SORCS2: variants seen among roughly 807,000 people sequenced by gnomAD.
SORCS2 encodes the protein VPS10 domain-containing receptor SorCS2.
Under a neutral mutation model 141.6 loss-of-function variants are expected in SORCS2, and 100 were observed. That is an observed-to-expected ratio of 0.71 (90% CI 0.60 to 0.83). The LOEUF (loss-of-function observed/expected upper bound fraction) is 0.83, where lower values mean the gene tolerates loss of function less well. Ranked by LOEUF, SORCS2 falls within the 40% of genes least tolerant of loss-of-function variation. The pLI is 0.00. For missense variants in SORCS2, 1,646 were observed against 1,560.2 expected (o/e 1.05, Z -0.93); for synonymous variants, 789 against 676.9 (o/e 1.17, Z -2.57).
At chr4:7,396,819 G>A (rs1348010555) in intron 2 of SORCS2, among the ~76,000 whole-genome samples, 1 of 152,188 alleles carries the variant, frequency 6.6e-6, no homozygotes, top group Non-Finnish European at 1.5e-5. Context: ...CACTGGCGAT[G>A]GGGGATATCT....
intron 14 of SORCS2, among the ~76,000 whole-genome samples, chr4:7,709,126 A>T (rs945262059): frequency 1.3e-5 from 2 of 151,880 alleles, no homozygotes; most frequent in African/African-American, 4.8e-5. Context: ...CTCTGCCTGC[A>T]CTCTGTTTGT....
chr4:7,723,257 G>A (rs184957426), intron 18 of SORCS2, among the ~76,000 whole-genome samples: 3 of 152,236 alleles, frequency 2.0e-5, no homozygotes, highest in East Asian at 1.9e-4. Context: ...TGGTTTCCAG[G>A]CAGGCGGCTT....
chr4:7,375,353 C>A (rs867998935), intron 1 of SORCS2, among the ~76,000 whole-genome samples: 1 of 152,324 alleles, frequency 6.6e-6, no homozygotes. Flanking sequence ...CAGCTCCATG[C>A]GCCTCTGTCT....
At chr4:7,285,915 C>T (rs548722132) in intron 1 of SORCS2, among the ~76,000 whole-genome samples, 5 of 152,182 alleles carry the variant, frequency 3.3e-5, no homozygotes, top group African/African-American at 7.2e-5. Flanking sequence ...AGGAGCCTGG[C>T]GTGAGGCCGA....
At chr4:7,315,977 C>G (rs1009091343) in intron 1 of SORCS2, among the ~76,000 whole-genome samples, 1 of 152,124 alleles carries the variant, frequency 6.6e-6, no homozygotes, top group Non-Finnish European at 1.5e-5. Context: ...ATCTATTTAT[C>G]CATCCATCCA....
intron 1 of SORCS2, among the ~76,000 whole-genome samples, chr4:7,216,309 C>G (rs926701974): frequency 6.6e-6 from 1 of 152,172 alleles, no homozygotes. Flanking sequence ...CACCGCCCAG[C>G]CCAGCACTGC....
chr4:7,393,423 A>G (rs979602910), intron 1 of SORCS2, among the ~76,000 whole-genome samples: 4 of 152,210 alleles, frequency 2.6e-5, no homozygotes, highest in Non-Finnish European at 5.9e-5. Flanking sequence ...GCATGTCGTA[A>G]GTGTTGGTTC....
rs1727291299 is a variant in SORCS2 at position 7,436,240 on chromosome 4, G to A, written c.548+39885G>A. Among the ~76,000 whole-genome samples the A allele has an allele frequency of 2.0e-5, 3 of 152,216 alleles. No homozygotes were observed. In the South Asian group the frequency reaches 6.2e-4, roughly 32 times the overall value. On this transcript the variant is annotated intron_variant, in intron 2 of 26. Coordinates refer to ENST00000507866, the MANE Select transcript of SORCS2 (RefSeq NM_020777.3). ...CACCTCCAGGTCATACCCCAGGTGG[G>A]GCTGGAGACGTGGGTGTCCTTACCT...
chr4:7,351,646 A>G (rs561086794), intron 1 of SORCS2, among the ~76,000 whole-genome samples: 81 of 150,326 alleles, frequency 5.4e-4, no homozygotes, highest in African/African-American at 1.8e-3. Context: ...CCCTCCTCCT[A>G]TCCCTTCCTC....
intron 2 of SORCS2, among the ~76,000 whole-genome samples, chr4:7,425,536 A>G (rs28600173): frequency 0.41 from 63,038 of 152,048 alleles, 13,811 homozygotes; most frequent in African/African-American, 0.56. Flanking sequence ...CCTGGATTAG[A>G]AGCCCGACAC....
intron 1 of SORCS2, among the ~76,000 whole-genome samples, chr4:7,259,759 T>C (rs1347385512): frequency 2.0e-5 from 3 of 152,232 alleles, no homozygotes. Context: ...TCACATGCCC[T>C]TGGGGTTCAC....
intron 2 of SORCS2, among the ~76,000 whole-genome samples, chr4:7,492,069 A>G (rs4635817): frequency 0.82 from 125,090 of 151,790 alleles, 53,236 homozygotes; most frequent in South Asian, 0.97. Context: ...CTCCAGTTTC[A>G]CCCCAGGCTG....
rs1577356667 is a variant in SORCS2, at chr4:7,286,714, T to C, written c.480+93588T>C. On this transcript the variant is annotated intron_variant, in intron 1 of 26. Transcript: ENST00000507866. The surrounding 1 kb of genome is among the most constrained non-coding windows in gnomAD (Gnocchi z 4.1). ...TCCTGCCTTCTGGCCTGGCACTTTT[T>C]CCACAATGCCTCAGAGGTTGCACAT... Among the ~76,000 whole-genome samples, 1 of 152,172 alleles carries C rather than the reference T, an allele frequency of 6.6e-6. No homozygotes were observed. The highest frequency in any genetic ancestry group is 2.1e-4 in the South Asian group (1 of 4,824).
chr4:7,625,040 C>T (rs1018581073), intron 3 of SORCS2, among the ~76,000 whole-genome samples: 1 of 152,192 alleles, frequency 6.6e-6, no homozygotes, highest in Non-Finnish European at 1.5e-5. Flanking sequence ...TAGTTATTAT[C>T]GATCAGACCC....
rs535912968 is a variant in SORCS2, at chr4:7,407,236, G to GT, written c.548+10882dup. On this transcript the variant is annotated intron_variant, in intron 2 of 26. Transcript: ENST00000507866. ...TCTGATGTTCCTTTGTTGATCTTCT[G>GT]TCTGGGTGATCTGTCCATAGCTGCT... 3.1e-3 allele frequency among the ~76,000 whole-genome samples: 475 copies of GT among 152,146 alleles called. 2 individuals carry two copies. Among genetic ancestry groups the GT allele is most frequent in the South Asian group, 9.8e-3 (47 of 4,816 alleles).
At chr4:7,386,338 T>G (rs1306297626) in intron 1 of SORCS2, among the ~76,000 whole-genome samples, 2 of 103,282 alleles carry the variant, frequency 1.9e-5, no homozygotes, top group African/African-American at 8.2e-5. Flanking sequence ...ATGCCCACCA[T>G]ACACATGAAC....
intron 1 of SORCS2, among the ~76,000 whole-genome samples, chr4:7,212,570 G>T (rs1211442730): frequency 6.6e-6 from 1 of 152,280 alleles, no homozygotes; most frequent in South Asian, 2.1e-4. Flanking sequence ...CTGCATGTTG[G>T]CTTCCTTCTC....
rs982259739 is a variant in SORCS2, at chr4:7,233,025, C to T, written c.480+39899C>T. Among the ~76,000 whole-genome samples, 6 of 152,176 alleles carry T rather than the reference C, an allele frequency of 3.9e-5. No homozygotes were observed. Among genetic ancestry groups the T allele is most frequent in the African/African-American group, 1.4e-4 (6 of 41,444 alleles). Reference sequence around the variant, plus strand: ...GCTCCCTGCTCCTCTGCACTAGGAACCTCCCAGAGGCTTTCTGGGGCATGG... The same window carrying T: ...GCTCCCTGCTCCTCTGCACTAGGAATCTCCCAGAGGCTTTCTGGGGCATGG... On this transcript the variant is annotated intron_variant, in intron 1 of 26. Coordinates refer to ENST00000507866, the MANE Select transcript of SORCS2 (RefSeq NM_020777.3). This position sits in a 1 kb window ranked among gnomAD's most constrained non-coding sequence, Gnocchi z 4.5.
Position 7,604,852 on chromosome 4 carries a change from C to T in SORCS2, c.649-33476C>T, listed in dbSNP as rs533438726. Among the ~76,000 whole-genome samples, 65 of 152,286 alleles carry T rather than the reference C, an allele frequency of 4.3e-4. 1 individual carries two copies. The highest frequency in any genetic ancestry group is 2.1e-4 in the Non-Finnish European group (14 of 68,024). On this transcript the variant is annotated intron_variant, in intron 3 of 26. Transcript: ENST00000507866. ...TCATCCTTACAACAAAGATGTCACC[C>T]CCTGGGGTCCCAGCTTCAGGCAGAG... is the stretch of plus-strand genomic sequence containing the variant.
Sources: gnomAD v4.1 joint callset for allele counts (sites outside exome capture counted in the v4.1 genomes callset) on GRCh38, gnomAD v4.1.1 for gene constraint, Gnocchi (gnomAD v3.1) non-coding constraint, MANE v1.5 for transcripts, NCBI Gene and HGNC (gene_info 2026-07-23, HGNC 2026-07-21) for gene names.